Variants in CHST11 observed in about 807,000 individuals in gnomAD.
The protein encoded by CHST11 is carbohydrate sulfotransferase 11.
In CHST11, 9 loss-of-function variants were observed where a neutral mutation model predicts 30.4. That is an observed-to-expected ratio of 0.30 (90% CI 0.18 to 0.52). The LOEUF (loss-of-function observed/expected upper bound fraction) is 0.52. Ranked by LOEUF, CHST11 falls within the 20% of genes least tolerant of loss-of-function variation. The probability of loss-of-function intolerance (pLI) is 0.97; values close to 1 mark genes in which losing one functional copy is unlikely to be tolerated. For missense variants in CHST11, 348 were observed against 460.6 expected, an observed-to-expected ratio of 0.76 and a Z score of 2.24; for synonymous variants, 152 against 187.8, an observed-to-expected ratio of 0.81 and a Z score of 1.56.
At chr12:104,724,717 A>G (rs1188197360) in intron 2 of CHST11, among the ~76,000 whole-genome samples, 1 of 152,030 alleles carries the variant, frequency 6.6e-6, no homozygotes, top group Non-Finnish European at 1.5e-5. Context: ...CCACCGGTGG[A>G]GCTGCCGCAG....
intron 1 of CHST11, among the ~76,000 whole-genome samples, chr12:104,570,016 C>T (rs1035780872): frequency 1.3e-5 from 2 of 152,146 alleles, no homozygotes; most frequent in Non-Finnish European, 2.9e-5. Context: ...GTGGTCTTGA[C>T]GTGTCTGACA....
At chr12:104,626,033 C>A (rs2039211083) in intron 2 of CHST11, among the ~76,000 whole-genome samples, 1 of 152,094 alleles carries the variant, frequency 6.6e-6, no homozygotes, top group African/African-American at 2.4e-5. Context: ...GAAATCGAGG[C>A]CCAGTGAGGT....
At chr12:104,707,901 AAC>A (rs1172890328) in intron 2 of CHST11, among the ~76,000 whole-genome samples, 5 of 152,366 alleles carry the variant, frequency 3.3e-5, no homozygotes, top group African/African-American at 4.8e-5. Context: ...TGCATATACA[AAC>A]ACACATGTGC....
chr12:104,678,771 G>A (rs898666293), intron 2 of CHST11, among the ~76,000 whole-genome samples: 1 of 152,122 alleles, frequency 6.6e-6, no homozygotes, highest in African/African-American at 2.4e-5. Context: ...TTTTCAGAGA[G>A]TGACAATGAG....
At chr12:104,748,541 G>C (rs895157386) in intron 2 of CHST11, among the ~76,000 whole-genome samples, 1 of 151,854 alleles carries the variant, frequency 6.6e-6, no homozygotes, top group Non-Finnish European at 1.5e-5. Flanking sequence ...CCCGGTGGGG[G>C]CTGGAGGGGG....
At chr12:104,545,625 T>C (rs1463327817) in intron 1 of CHST11, among the ~76,000 whole-genome samples, 2 of 152,190 alleles carry the variant, frequency 1.3e-5, no homozygotes, top group African/African-American at 4.8e-5. Context: ...CAGGCTGCTG[T>C]AACAAACAAA....
chr12:104,488,113 G>A (rs1384726775), intron 1 of CHST11, among the ~76,000 whole-genome samples: 1 of 151,788 alleles, frequency 6.6e-6, no homozygotes, highest in African/African-American at 2.4e-5. Flanking sequence ...ACATTATCTG[G>A]CAACTAATTT....
At chr12:104,660,027 G>A (rs1339053932) in intron 2 of CHST11, among the ~76,000 whole-genome samples, 1 of 152,120 alleles carries the variant, frequency 6.6e-6, no homozygotes, top group African/African-American at 2.4e-5. Flanking sequence ...TTAAAATTGT[G>A]GCTATTGGAA....
intron 2 of CHST11, among the ~76,000 whole-genome samples, chr12:104,637,862 AC>A (rs557868445): frequency 2.0e-5 from 3 of 150,228 alleles, no homozygotes; most frequent in Non-Finnish European, 4.4e-5. Flanking sequence ...CCTTTGCCGC[AC>A]CCCCCCACCC....
intron 2 of CHST11, among the ~76,000 whole-genome samples, chr12:104,737,833 G>A (rs535775694): frequency 1.3e-5 from 2 of 152,274 alleles, no homozygotes; most frequent in Non-Finnish European, 2.9e-5. Context: ...TGAAAGATGA[G>A]CCAGGCGGAA....
intron 1 of CHST11, among the ~76,000 whole-genome samples, chr12:104,567,487 G>C (rs75742409): frequency 1.3e-5 from 2 of 151,998 alleles, no homozygotes; most frequent in Admixed American, 6.6e-5. Flanking sequence ...ATTTCCTTTT[G>C]TCCTTTAAGA....
chr12:104,612,509 T>C (rs545265471), intron 2 of CHST11, among the ~76,000 whole-genome samples: 57 of 152,254 alleles, frequency 3.7e-4, no homozygotes, highest in African/African-American at 1.3e-3. Context: ...TCTTAGCTAA[T>C]TACATCTGTA....
At chr12:104,718,086 T>C (rs769245637) in intron 2 of CHST11, among the ~76,000 whole-genome samples, 1 of 152,254 alleles carries the variant, frequency 6.6e-6, no homozygotes. Flanking sequence ...GCCCCACTCC[T>C]GGGCCCATCT....
At chr12:104,601,861 A>G (rs760874569) in intron 1 of CHST11, 45 bp from the exon 2 acceptor site, 3 of 1,498,508 alleles carry the variant, frequency 2.0e-6, no homozygotes, top group Non-Finnish European at 2.8e-6. Context: ...CAGACAACAA[A>G]TCTTTGTTGC....
At chr12:104,693,164 C>T (rs7131930) in intron 2 of CHST11, among the ~76,000 whole-genome samples, 50 of 152,302 alleles carry the variant, frequency 3.3e-4, no homozygotes, top group African/African-American at 1.0e-3. Flanking sequence ...GATCAGGCCC[C>T]GCCCCCCAAA....
At chr12:104,704,441 C>T (rs1273479577) in intron 2 of CHST11, among the ~76,000 whole-genome samples, 1 of 152,154 alleles carries the variant, frequency 6.6e-6, no homozygotes, top group Non-Finnish European at 1.5e-5. Flanking sequence ...GTTGGGCTCT[C>T]CCCGCCTCAC....
intron 2 of CHST11, among the ~76,000 whole-genome samples, chr12:104,707,355 T>C (rs1404480028): frequency 3.9e-5 from 6 of 152,222 alleles, no homozygotes; most frequent in African/African-American, 1.4e-4. Flanking sequence ...TGGGCTGTGA[T>C]ATCACTTTAG....
At chr12:104,749,077 G>A (rs913126198) in intron 2 of CHST11, among the ~76,000 whole-genome samples, 5 of 152,212 alleles carry the variant, frequency 3.3e-5, no homozygotes, top group Admixed American at 2.0e-4. Context: ...ATGGGATGTG[G>A]TATGTGTGAA....
intron 1 of CHST11, among the ~76,000 whole-genome samples, chr12:104,541,431 A>T (rs1482673817): frequency 6.6e-6 from 1 of 151,904 alleles, no homozygotes; most frequent in Admixed American, 6.6e-5. Flanking sequence ...ATCTCGGTGC[A>T]GCTTTTTCTT....
Sources: gnomAD v4.1 joint callset for allele counts (sites outside exome capture counted in the v4.1 genomes callset) on GRCh38, gnomAD v4.1.1 for gene constraint, MANE v1.5 for transcripts, NCBI Gene and HGNC (gene_info 2026-07-23, HGNC 2026-07-21) for gene names.